The following ACSM6 variants were observed in gnomAD, a reference collection of about 807,000 sequenced individuals.
ACSM6 encodes acyl-coenzyme A synthetase ACSM6, mitochondrial.
ACSM6 carries 35 observed loss-of-function variants against 51.1 expected under a neutral mutation model. The ratio of observed to expected loss-of-function variants is 0.69; its 90% CI spans 0.52 to 0.91. The LOEUF (loss-of-function observed/expected upper bound fraction) is 0.91, where lower values mean the gene tolerates loss of function less well. ACSM6 is among the 40% of genes least tolerant of loss of function. The probability of loss-of-function intolerance (pLI) is 0.00; values close to 1 mark genes in which losing one functional copy is unlikely to be tolerated. For missense variants in ACSM6, 509 were observed against 584.1 expected (o/e 0.87, Z 1.32); for synonymous variants, 172 against 207.3 (o/e 0.83, Z 1.46).
At chr10:95,196,861 T>C (rs2034729326) in intron 2 of ACSM6, among the ~76,000 whole-genome samples, 1 of 152,252 alleles carries the variant, frequency 6.6e-6, no homozygotes, top group African/African-American at 2.4e-5. Flanking sequence ...AAGTATTTCA[T>C]TGAGTGTTGA....
chr10:95,225,014 A>G (rs2035025271), intron 9 of ACSM6, among the ~76,000 whole-genome samples: 1 of 152,186 alleles, frequency 6.6e-6, no homozygotes, highest in African/African-American at 2.4e-5. Context: ...GATTTTCTAG[A>G]TGAGGAAACT....
chr10:95,212,413 T>C (rs929780617), intron 6 of ACSM6, among the ~76,000 whole-genome samples: 10 of 152,298 alleles, frequency 6.6e-5, no homozygotes, highest in Admixed American at 6.5e-4. Context: ...AGAGGTTAAG[T>C]AAGTAGCCTA....
At chr10:95,218,938 G>A (rs887717353) in intron 8 of ACSM6, among the ~76,000 whole-genome samples, 3 of 152,204 alleles carry the variant, frequency 2.0e-5, no homozygotes, top group African/African-American at 7.2e-5. Flanking sequence ...TTCCGTGTAA[G>A]ACACAGCAAT....
rs139710420 is a variant in ACSM6 at position 95,197,326 on chromosome 10, T to C, written c.192+2649T>C. 9.4e-3 allele frequency among the ~76,000 whole-genome samples: 1,438 copies of C among 152,170 alleles called. 10 individuals are homozygous for C. The highest frequency in any genetic ancestry group is 0.047 in the East Asian group (243 of 5,180). ...GGGCCCAGGGGACCGGCACTCAGCA[T>C]ACCAAGGACCTGCACCGGCACCGGT... On this transcript the variant is annotated intron_variant, in intron 2 of 10. Transcript: ENST00000341686.
At chr10:95,227,437 T>G (rs1296151163) in intron 10 of ACSM6, among the ~76,000 whole-genome samples, 1 of 152,238 alleles carries the variant, frequency 6.6e-6, no homozygotes, top group African/African-American at 2.4e-5. Context: ...TAAATGCCTC[T>G]TTGAGTATCT....
intron 5 of ACSM6, 122 bp downstream of exon 5, chr10:95,210,915 G>A: frequency 8.2e-7 from 1 of 1,220,522 alleles, no homozygotes; most frequent in Non-Finnish European, 1.1e-6. Flanking sequence ...TGTCAATATT[G>A]AGAGAAGGAA....
At chr10:95,199,297 T>C (rs1300935341) in intron 2 of ACSM6, among the ~76,000 whole-genome samples, 4 of 152,142 alleles carry the variant, frequency 2.6e-5, no homozygotes, top group African/African-American at 9.6e-5. Context: ...TGGCTAGCCA[T>C]ATGTAGAAAG....
chr10:95,225,955 T>A lies in ACSM6; in HGVS notation c.1302+564T>A, dbSNP rs560918883. ...GGTTGTGTTAAAAAATGCCTCACTT[T>A]CTAGGCTTACATATTGTTTCTTTAT... On this transcript the variant is annotated intron_variant, in intron 10 of 10. Transcript: ENST00000341686. 23 of 152,380 alleles carry A rather than the reference T, an allele frequency of 1.5e-4. No individual in the cohort carries two copies. The East Asian group carries it at 4.2e-3, about 28-fold the overall frequency. 9.4% of individuals were successfully genotyped at this position (152,380 alleles called of 1,614,324 possible).
At chr10:95,202,424 A>G (rs559050246) in intron 3 of ACSM6, among the ~76,000 whole-genome samples, 1 of 152,320 alleles carries the variant, frequency 6.6e-6, no homozygotes, top group South Asian at 2.1e-4. Context: ...TATGGACAGT[A>G]ATAGTCCATA....
At chr10:95,207,457 G>A (rs1276767227) in intron 4 of ACSM6, 42 bp downstream of exon 4, 1 of 1,582,360 alleles carries the variant, frequency 6.3e-7, no homozygotes, top group African/African-American at 1.3e-5. Context: ...TGAAGGAAAT[G>A]TTTGACTTTG....
chr10:95,211,049 C>A (rs988563897), intron 5 of ACSM6, among the ~76,000 whole-genome samples: 1 of 152,136 alleles, frequency 6.6e-6, no homozygotes, highest in Non-Finnish European at 1.5e-5. Context: ...AGGATGATCA[C>A]CCCAAAGACA....
intron 2 of ACSM6, chr10:95,201,531 C>T (rs2034794106): frequency 2.2e-6 from 1 of 455,086 alleles, no homozygotes; most frequent in African/African-American, 2.0e-5. Context: ...TGTATGTATA[C>T]CACATTGTCT....
rs1418827502 is a variant in ACSM6, at chr10:95,212,052, T to C, written c.912+18T>C. The C allele has an allele frequency of 1.9e-6, 3 of 1,613,596 alleles. No homozygotes were observed. Among genetic ancestry groups the C allele is most frequent in the Non-Finnish European group, 2.5e-6 (3 of 1,179,650 alleles). The stretch of plus-strand genomic sequence containing the variant: ...TTCTAAATGTAAGATCAATTCCTAG[T>C]GTGGAATGTGTGGGACAAAGGCCAG... On this transcript the variant is annotated intron_variant, in intron 6 of 10. Transcript: ENST00000341686.
At position 95,215,059 on chromosome 10, in the gene ACSM6, G is replaced by A. The variant is rs1168243374; in HGVS notation, c.1119+84G>A. ...AGCACACTGTCAAAGCACTAAGCAC[G>A]CACTAGAAATGCACAACTGGATCTT... On this transcript the variant is annotated intron_variant, in intron 8 of 10. Coordinates refer to ENST00000341686, the Ensembl canonical transcript of ACSM6. The A allele has an allele frequency of 2.1e-5, 30 of 1,458,164 alleles. No individual in the cohort carries two copies. The South Asian group carries it at 2.2e-4, about 11-fold the overall frequency. The allele number at this position is 1,458,164 out of a possible 1,614,324, so 90.3% of individuals were successfully genotyped here.
At chr10:95,208,798 G>A (rs2034866554) in intron 4 of ACSM6, among the ~76,000 whole-genome samples, 1 of 151,914 alleles carries the variant, frequency 6.6e-6, no homozygotes, top group Non-Finnish European at 1.5e-5. Flanking sequence ...ATAGGGCTTA[G>A]TACTATTGAT....
chr10:95,210,298 T>C (rs1455786609), intron 4 of ACSM6, among the ~76,000 whole-genome samples: 1 of 152,060 alleles, frequency 6.6e-6, no homozygotes, highest in Non-Finnish European at 1.5e-5. Context: ...GGCTTGGCAA[T>C]GGTTAGGATG....
intron 3 of ACSM6, among the ~76,000 whole-genome samples, chr10:95,204,415 G>C (rs1287034869): frequency 2.0e-5 from 3 of 152,030 alleles, no homozygotes; most frequent in Admixed American, 1.3e-4. Context: ...TTAGCCAGAC[G>C]TGATGGTGGG....
At chr10:95,216,938 G>A (rs627719) in intron 8 of ACSM6, among the ~76,000 whole-genome samples, 80,252 of 152,032 alleles carry the variant, frequency 0.53, 22,098 homozygotes, top group Middle Eastern at 0.67. Context: ...AAATAAGCAG[G>A]AAAGCTTATA....
chr10:95,203,356 A>C (rs1460831070), intron 3 of ACSM6, among the ~76,000 whole-genome samples: 1 of 152,162 alleles, frequency 6.6e-6, no homozygotes, highest in South Asian at 2.1e-4. Context: ...TTACAATGTA[A>C]TAATAATAGA....
Sources: gnomAD v4.1 joint callset for allele counts (sites outside exome capture counted in the v4.1 genomes callset) on GRCh38, gnomAD v4.1.1 for gene constraint, MANE v1.5 for transcripts, NCBI Gene and HGNC (gene_info 2026-07-23, HGNC 2026-07-21) for gene names.